Variants in NCAM2 observed in about 807,000 individuals in gnomAD.
The protein encoded by NCAM2 is N-CAM-2.
In NCAM2, 30 loss-of-function variants were observed where a neutral mutation model predicts 98.1. The observed-to-expected ratio is 0.31, with a 90% CI of 0.23 to 0.41. The LOEUF is 0.41. Among genes scored for constraint, NCAM2 ranks in the 10% least tolerant of loss-of-function variants. The pLI is 1.00. For missense variants in NCAM2, 867 were observed against 1,005.8 expected (o/e 0.86, Z 1.87); for synonymous variants, 368 against 342.4 (o/e 1.07, Z -0.83).
chr21:21,440,629 T>A (rs901904378), intron 12 of NCAM2, among the ~76,000 whole-genome samples: 5 of 150,530 alleles, frequency 3.3e-5, no homozygotes, highest in African/African-American at 1.2e-4. Flanking sequence ...TGCAGTGAGC[T>A]GAGATTGCAG....
chr21:21,435,270 A>G (rs774807911), intron 12 of NCAM2, among the ~76,000 whole-genome samples: 4 of 151,314 alleles, frequency 2.6e-5, no homozygotes, highest in Non-Finnish European at 4.4e-5. Context: ...TCCTCATTTT[A>G]AAGAGACATA....
At chr21:21,240,480 G>C (rs1287511124) in intron 1 of NCAM2, among the ~76,000 whole-genome samples, 1 of 152,054 alleles carries the variant, frequency 6.6e-6, no homozygotes, top group Admixed American at 6.6e-5. Context: ...GGAAGGCTAC[G>C]TCAGTTTTCT....
intron 5 of NCAM2, among the ~76,000 whole-genome samples, chr21:21,310,162 T>C (rs2074000482): frequency 6.6e-6 from 1 of 152,206 alleles, no homozygotes; most frequent in African/African-American, 2.4e-5. Flanking sequence ...AATTTCACTT[T>C]CTTCCTACTT....
chr21:21,489,709 C>G (rs968058021), intron 15 of NCAM2, among the ~76,000 whole-genome samples: 3 of 152,116 alleles, frequency 2.0e-5, no homozygotes, highest in Non-Finnish European at 4.4e-5. Flanking sequence ...AAATTGGTGA[C>G]GAGGCATTTC....
At chr21:21,005,082 C>T (rs2064087248) in intron 1 of NCAM2, among the ~76,000 whole-genome samples, 1 of 152,154 alleles carries the variant, frequency 6.6e-6, no homozygotes, top group Non-Finnish European at 1.5e-5. Context: ...AGGTGAGCCT[C>T]TGCACTCAGT....
At chr21:21,315,067 C>T (rs2826785) in intron 5 of NCAM2, among the ~76,000 whole-genome samples, 46,163 of 151,740 alleles carry the variant, frequency 0.3, 7,532 homozygotes, top group African/African-American at 0.41. Context: ...AAAATGCTCA[C>T]TTTTTTTGTT....
At chr21:21,136,814 T>G (rs2067064708) in intron 1 of NCAM2, among the ~76,000 whole-genome samples, 1 of 151,986 alleles carries the variant, frequency 6.6e-6, no homozygotes, top group Non-Finnish European at 1.5e-5. Context: ...AATGAAATCC[T>G]TCCGGTTGCA....
At chr21:21,444,221 T>A (rs1979744617) in intron 12 of NCAM2, among the ~76,000 whole-genome samples, 2 of 152,224 alleles carry the variant, frequency 1.3e-5, no homozygotes, top group South Asian at 4.1e-4. Flanking sequence ...GATGGGTTGC[T>A]GGATTCAGTT....
intron 1 of NCAM2, among the ~76,000 whole-genome samples, chr21:21,157,658 G>T (rs1244195549): frequency 1.3e-5 from 2 of 151,846 alleles, no homozygotes; most frequent in South Asian, 4.2e-4. Flanking sequence ...GGAATCATCT[G>T]CATTTAAAAA....
At chr21:21,511,267 C>T (rs937339839) in intron 16 of NCAM2, among the ~76,000 whole-genome samples, 22 of 151,972 alleles carry the variant, frequency 1.4e-4, no homozygotes, top group South Asian at 6.2e-4. Context: ...TACTTAATCC[C>T]CCATTCCCCC....
chr21:21,098,574 C>A (rs574155016), intron 1 of NCAM2, among the ~76,000 whole-genome samples: 1 of 151,840 alleles, frequency 6.6e-6, no homozygotes, highest in South Asian at 2.1e-4. Context: ...GTGTTCACAT[C>A]TTCTCTATTA....
chr21:21,374,113 C>T, intron 9 of NCAM2, 100 bp downstream of exon 9: 1 of 1,108,588 alleles, frequency 9.0e-7, no homozygotes, highest in Non-Finnish European at 1.3e-6. Context: ...GTTCACATTT[C>T]AGTACTTAAT....
intron 1 of NCAM2, among the ~76,000 whole-genome samples, chr21:21,232,688 G>C (rs1166831034): frequency 6.6e-6 from 1 of 151,700 alleles, no homozygotes; most frequent in Non-Finnish European, 1.5e-5. Flanking sequence ...TTTATGTGTA[G>C]ACATTATTAA....
intron 15 of NCAM2, among the ~76,000 whole-genome samples, chr21:21,478,774 G>T (rs1985484749): frequency 6.6e-6 from 1 of 152,010 alleles, no homozygotes; most frequent in South Asian, 2.1e-4. Flanking sequence ...TCTTAAATCT[G>T]AGCTGGATAA....
chr21:21,427,547 T>A (rs2077241192), intron 11 of NCAM2, among the ~76,000 whole-genome samples: 1 of 152,130 alleles, frequency 6.6e-6, no homozygotes, highest in Non-Finnish European at 1.5e-5. Flanking sequence ...GTGAAAGTCA[T>A]AGAAACAGAG....
chr21:21,010,534 A>G (rs1396048652), intron 1 of NCAM2, among the ~76,000 whole-genome samples: 1 of 152,090 alleles, frequency 6.6e-6, no homozygotes, highest in Non-Finnish European at 1.5e-5. Context: ...CCTCCTTCCT[A>G]CACTGTGCAT....
At chr21:21,471,090 A>G (rs1422312889) in intron 14 of NCAM2, among the ~76,000 whole-genome samples, 1 of 151,982 alleles carries the variant, frequency 6.6e-6, no homozygotes, top group Non-Finnish European at 1.5e-5. Flanking sequence ...CAGTCTAAAT[A>G]TGGATGGCAG....
intron 5 of NCAM2, among the ~76,000 whole-genome samples, chr21:21,309,968 G>A (rs1264173136): frequency 6.6e-6 from 1 of 152,100 alleles, no homozygotes; most frequent in Admixed American, 6.5e-5. Flanking sequence ...GATAAATTGG[G>A]TATACGTTTC....
intron 15 of NCAM2, among the ~76,000 whole-genome samples, chr21:21,482,865 T>C (rs1490000982): frequency 6.6e-6 from 1 of 151,978 alleles, no homozygotes; most frequent in Non-Finnish European, 1.5e-5. Context: ...CGTGTTCCTT[T>C]TCAGAATATT....
Sources: allele counts gnomAD v4.1 joint callset (sites outside exome capture counted in the v4.1 genomes callset), GRCh38; gene constraint gnomAD v4.1.1; transcripts MANE v1.5; gene names NCBI Gene and HGNC (gene_info 2026-07-23, HGNC 2026-07-21).